The following MCM9 variants were observed in gnomAD, a reference collection of about 807,000 sequenced individuals.
MCM9 encodes minichromosome maintenance 9 homologous recombination repair factor.
In MCM9, 55 loss-of-function variants were observed where a neutral mutation model predicts 72.8. The ratio of observed to expected loss-of-function variants is 0.76; its 90% CI spans 0.61 to 0.95. The LOEUF (loss-of-function observed/expected upper bound fraction) is 0.95, where lower values mean the gene tolerates loss of function less well. MCM9 is among the 40% of genes least tolerant of loss of function. The probability of loss-of-function intolerance (pLI) is 0.00; values close to 1 mark genes in which losing one functional copy is unlikely to be tolerated. For missense variants in MCM9, 1,279 were observed against 1,377.0 expected (o/e 0.93, Z 1.13); for synonymous variants, 480 against 503.4 (o/e 0.95, Z 0.62).
chr6:118,858,698 T>G (rs1304988432), intron 8 of MCM9, among the ~76,000 whole-genome samples: 1 of 152,140 alleles, frequency 6.6e-6, no homozygotes, highest in African/African-American at 2.4e-5. Flanking sequence ...TATCTGGGTA[T>G]AAGTCTTATA....
chr6:118,855,395 T>C (rs1337862458), intron 9 of MCM9, among the ~76,000 whole-genome samples: 1 of 152,212 alleles, frequency 6.6e-6, no homozygotes, highest in Admixed American at 6.5e-5. Flanking sequence ...CTTCTTAGCA[T>C]CTAGCACAAT....
At chr6:118,816,882 C>A (rs1258539355) in intron 13 of MCM9, among the ~76,000 whole-genome samples, 1 of 152,184 alleles carries the variant, frequency 6.6e-6, no homozygotes, top group Non-Finnish European at 1.5e-5. Context: ...ACACTGCCGC[C>A]TCCTGTACTC....
chr6:118,886,602 A>G (rs1778620597), intron 8 of MCM9, among the ~76,000 whole-genome samples: 1 of 152,198 alleles, frequency 6.6e-6, no homozygotes, highest in African/African-American at 2.4e-5. Context: ...TTACAATAGC[A>G]TCAAAAAGAA....
chr6:118,829,450 G>C (rs932943396), intron 9 of MCM9, among the ~76,000 whole-genome samples, 200 bp from the exon 10 acceptor site: 4 of 152,338 alleles, frequency 2.6e-5, no homozygotes, highest in African/African-American at 9.6e-5. Context: ...TTAAAGAGAA[G>C]TAACCGTTCA....
chr6:118,820,142 G>A (rs1773700081), intron 13 of MCM9, among the ~76,000 whole-genome samples: 1 of 152,116 alleles, frequency 6.6e-6, no homozygotes, highest in Non-Finnish European at 1.5e-5. Flanking sequence ...TCTGATCTTA[G>A]TTATTTCTTG....
intron 8 of MCM9, among the ~76,000 whole-genome samples, chr6:118,875,903 A>C (rs1777905570): frequency 6.6e-6 from 1 of 152,200 alleles, no homozygotes; most frequent in East Asian, 1.9e-4. Flanking sequence ...GGCACTGGAA[A>C]GTTATATGCA....
chr6:118,828,042 A>C lies in MCM9; in HGVS notation c.1617T>G (p.Ser539=). 2 of 1,550,654 alleles carry C rather than the reference A, an allele frequency of 1.3e-6. No homozygotes were observed. Among genetic ancestry groups the C allele is most frequent in the South Asian group, 1.2e-5 (1 of 84,062 alleles). ...GGAGAAGAACCTGATTGCCCACATC[A>C]GACAGTGTGGGCTGCAGATTCCTTA... ...CLIRNLQPTL[S]DVGNQVLLRY... is the part of the protein sequence containing the mutation. The change falls in exon 11 of 14, where the codon TCT becomes TCG. Residue 539 remains serine (S), a synonymous_variant. Transcript: ENST00000619706.
At chr6:118,881,521 G>A (rs1403506966) in intron 8 of MCM9, among the ~76,000 whole-genome samples, 1 of 152,148 alleles carries the variant, frequency 6.6e-6, no homozygotes, top group Non-Finnish European at 1.5e-5. Context: ...TGGAACTAGT[G>A]ACCAAATAAA....
At chr6:118,855,175 T>C (rs1053955750) in intron 9 of MCM9, among the ~76,000 whole-genome samples, 1 of 152,206 alleles carries the variant, frequency 6.6e-6, no homozygotes, top group Non-Finnish European at 1.5e-5. Flanking sequence ...GCTCATTAAA[T>C]GGAGATATAA....
rs1368166964 is a variant in MCM9, at chr6:118,894,013, C to T, written c.1150+17637G>A. 5 of 987,530 alleles carry T rather than the reference C, an allele frequency of 5.1e-6. No homozygotes were observed. In the Admixed American group the frequency reaches 1.8e-4, roughly 36 times the overall value. The allele number at this position is 987,530 out of a possible 1,614,324, so 61.2% of individuals were successfully genotyped here. Reference sequence around the variant, plus strand: ...CGGCCTCCGCGCGGGCCTCCCAGCCCTTATTCCACTCACTTTGTTCTCCGC... The same window carrying T: ...CGGCCTCCGCGCGGGCCTCCCAGCCTTTATTCCACTCACTTTGTTCTCCGC... On this transcript the variant is annotated intron_variant, in intron 8 of 13. Transcript: ENST00000619706.
chr6:118,923,922 G>A lies in MCM9; in HGVS notation c.510C>T (p.Ser170=), dbSNP rs200201062. 1 of 1,614,216 alleles carries A rather than the reference G, an allele frequency of 6.2e-7. No homozygotes were observed. Among genetic ancestry groups the A allele is most frequent in the Non-Finnish European group, 8.5e-7 (1 of 1,180,036 alleles). ...FEQYYTFCRP[S]SCPSLESCDS... is the part of the protein sequence containing the mutation. Reference sequence around the variant, plus strand: ...CACAGCTCTCCAAGCTGGGACACGAGGATGGCCGGCAAAAGGTGTAATACT... The same window carrying A: ...CACAGCTCTCCAAGCTGGGACACGAAGATGGCCGGCAAAAGGTGTAATACT... The change falls in exon 4 of 14, where the codon TCC becomes TCT. Residue 170 remains serine, a synonymous_variant. Transcript: ENST00000619706.
At chr6:118,897,989 C>T (rs1366881466) in intron 8 of MCM9, among the ~76,000 whole-genome samples, 1 of 152,190 alleles carries the variant, frequency 6.6e-6, no homozygotes. Flanking sequence ...TCTCCATCTC[C>T]TCTGCTCTCA....
Position 118,817,956 on chromosome 6 carries a change from T to C in MCM9, c.1962-1662A>G, listed in dbSNP as rs143982109. Among the ~76,000 whole-genome samples the C allele has an allele frequency of 1.8e-3, 278 of 152,350 alleles. 1 individual carries two copies. The highest frequency in any genetic ancestry group is 0.01 in the South Asian group (50 of 4,828). On this transcript the variant is annotated intron_variant, in intron 13 of 13. Coordinates refer to ENST00000619706, the MANE Select transcript of MCM9 (RefSeq NM_017696.3). ...TCTTCTTTTGGGAAGTGTCTGTTCA[T>C]ATCCTTCACCCAGTTTTGATGGCTT...
chr6:118,868,638 C>G (rs1003189336), intron 8 of MCM9, among the ~76,000 whole-genome samples: 28 of 152,096 alleles, frequency 1.8e-4, no homozygotes, highest in African/African-American at 6.8e-4. Flanking sequence ...AAGAAGACAT[C>G]TATGCAGCCA....
intron 4 of MCM9, among the ~76,000 whole-genome samples, chr6:118,922,435 A>C (rs1478253409): frequency 2.0e-5 from 3 of 152,196 alleles, no homozygotes; most frequent in Non-Finnish European, 4.4e-5. Context: ...CCTGGGACAA[A>C]TCACCCAGTC....
chr6:118,882,340 G>T (rs1778342198), intron 8 of MCM9, among the ~76,000 whole-genome samples: 1 of 152,178 alleles, frequency 6.6e-6, no homozygotes, highest in African/African-American at 2.4e-5. Context: ...ACTTTATTTG[G>T]AACACAGTGC....
chr6:118,890,594 C>T (rs931280726), intron 8 of MCM9, among the ~76,000 whole-genome samples: 2 of 152,190 alleles, frequency 1.3e-5, no homozygotes, highest in African/African-American at 4.8e-5. Context: ...CTATTTCTCA[C>T]AGAGCCTAGC....
chr6:118,865,453 T>A (rs528717366), intron 8 of MCM9, among the ~76,000 whole-genome samples: 1 of 152,274 alleles, frequency 6.6e-6, no homozygotes, highest in African/African-American at 2.4e-5. Flanking sequence ...AAAGGGGTGG[T>A]CTTGAACAAG....
rs532182884 is a variant in MCM9, at chr6:118,846,159, T to TG, written c.1325+10211dup. 1.8e-3 allele frequency among the ~76,000 whole-genome samples: 280 copies of TG among 152,016 alleles called. 6 individuals are homozygous for TG. The highest frequency in any genetic ancestry group is 0.01 in the Middle Eastern group (3 of 294). ...TGATTTCTAGGTTCCCATATGATAA[T>TG]GGCAGCTACTTATAGCCATACTTCA... On this transcript the variant is annotated intron_variant, in intron 9 of 13. Transcript: ENST00000619706.
Sources: allele counts gnomAD v4.1 joint callset (sites outside exome capture counted in the v4.1 genomes callset), GRCh38; gene constraint gnomAD v4.1.1; transcripts MANE v1.5; gene names NCBI Gene and HGNC (gene_info 2026-07-23, HGNC 2026-07-21).